Variants in PPP1R12B observed in about 807,000 individuals in gnomAD.
PPP1R12B encodes the protein protein phosphatase 1 regulatory subunit 12B.
In PPP1R12B, 76 loss-of-function variants were observed where a neutral mutation model predicts 126.1. The ratio of observed to expected loss-of-function variants is 0.60; its 90% CI spans 0.50 to 0.73. The LOEUF is 0.73. Among genes scored for constraint, PPP1R12B ranks in the 30% least tolerant of loss-of-function variants. The pLI is 0.00. For synonymous variants in PPP1R12B, 356 were observed against 434.7 expected (o/e 0.82, Z 2.25); for missense variants, 1,052 against 1,205.1 (o/e 0.87, Z 1.88).
rs530804968 is a variant in PPP1R12B at position 202,565,953 on chromosome 1, A to C, written c.2757+1406A>C. 6.6e-6 allele frequency among the ~76,000 whole-genome samples: 1 copy of C among 152,148 alleles called. No homozygotes were observed. The highest frequency in any genetic ancestry group is 2.4e-5 in the African/African-American group (1 of 41,530). On this transcript the variant is annotated intron_variant, in intron 21 of 23. Transcript: ENST00000608999. The surrounding 1 kb of genome is among the most constrained non-coding windows in gnomAD (Gnocchi z 4.3). ...GACCCTCAAAAGAAATCTGGGGCTAATTTTTATTCTGAATGGCGCCACATA... is the reference window on the plus strand; with the variant it reads ...GACCCTCAAAAGAAATCTGGGGCTACTTTTTATTCTGAATGGCGCCACATA...
chr1:202,516,506 A>G (rs564245358), intron 18 of PPP1R12B, among the ~76,000 whole-genome samples: 27 of 152,178 alleles, frequency 1.8e-4, no homozygotes, highest in East Asian at 1.5e-3. Context: ...GCATGAAAGG[A>G]TGATATCTTC....
rs1353253256 is a variant in PPP1R12B, at chr1:202,548,773, GCTGT to G, written c.2491-10101_2491-10098del. On this transcript the variant is annotated intron_variant, in intron 18 of 23. Transcript: ENST00000608999. Reference sequence around the variant, plus strand: ...TGATCATGCGCTCGCTCACTCGCTCGCTGTCTCTCTCTCTCTCTCTCTCTCTCTC... The same window carrying G: ...TGATCATGCGCTCGCTCACTCGCTCGCTCTCTCTCTCTCTCTCTCTCTCTC... Among the ~76,000 whole-genome samples, 94 of 106,830 alleles carry G rather than the reference GCTGT, an allele frequency of 8.8e-4. 4 individuals carry two copies. Among genetic ancestry groups the G allele is most frequent in the Admixed American group, 1.3e-3 (14 of 10,866 alleles). The allele number at this position is 106,830 out of a possible 152,430, so 70.1% of individuals were successfully genotyped here.
chr1:202,552,665 C>G (rs1342848756), intron 18 of PPP1R12B, among the ~76,000 whole-genome samples: 1 of 152,156 alleles, frequency 6.6e-6, no homozygotes, highest in Non-Finnish European at 1.5e-5. Flanking sequence ...AGCTAGTACA[C>G]AAGAACATAA....
intron 12 of PPP1R12B, among the ~76,000 whole-genome samples, chr1:202,444,708 A>G (rs1364288534): frequency 6.6e-6 from 1 of 152,150 alleles, no homozygotes; most frequent in South Asian, 2.1e-4. Context: ...TTTTCCTATT[A>G]TTCCCTTTCT....
chr1:202,372,216 A>AT (rs1159395642), intron 1 of PPP1R12B, among the ~76,000 whole-genome samples: 1 of 151,924 alleles, frequency 6.6e-6, no homozygotes, highest in Admixed American at 6.6e-5. Context: ...TATAAAAGTA[A>AT]TTTTTGGCCG....
intron 1 of PPP1R12B, among the ~76,000 whole-genome samples, chr1:202,405,213 G>T (rs1246598498): frequency 6.6e-6 from 1 of 152,138 alleles, no homozygotes; most frequent in Non-Finnish European, 1.5e-5. Context: ...CCGTGACTCT[G>T]TTATGGTAAA....
intron 18 of PPP1R12B, among the ~76,000 whole-genome samples, chr1:202,504,396 C>A (rs1200602889): frequency 6.6e-6 from 1 of 151,658 alleles, no homozygotes; most frequent in South Asian, 2.1e-4. Flanking sequence ...CTGTCCCCCC[C>A]AAAAAAAGAA....
intron 13 of PPP1R12B, among the ~76,000 whole-genome samples, chr1:202,460,822 G>A (rs899559895): frequency 2.0e-5 from 3 of 152,172 alleles, no homozygotes; most frequent in African/African-American, 7.2e-5. Context: ...GAAAAAAGGT[G>A]ATTCTTTTAG....
At chr1:202,358,774 A>G (rs1042927412) in intron 1 of PPP1R12B, among the ~76,000 whole-genome samples, 3 of 152,028 alleles carry the variant, frequency 2.0e-5, no homozygotes. Context: ...CATTATAGTT[A>G]TGGAATAGGT....
chr1:202,466,809 A>C lies in PPP1R12B; in HGVS notation c.1850+17638A>C, dbSNP rs574809582. 2.6e-5 allele frequency among the ~76,000 whole-genome samples: 4 copies of C among 152,328 alleles called. No individual in the cohort carries two copies. The East Asian group carries it at 7.7e-4, about 29-fold the overall frequency. ...AGAAAGAGGGAATAAGCCAACAGGT[A>C]AACCAAATCTTTCTTTCCTCTAGCC... On this transcript the variant is annotated intron_variant, in intron 13 of 23. Coordinates refer to ENST00000608999, the MANE Select transcript of PPP1R12B (RefSeq NM_002481.4).
At chr1:202,433,749 A>G (rs371904555) in intron 8 of PPP1R12B, among the ~76,000 whole-genome samples, 97 of 152,294 alleles carry the variant, frequency 6.4e-4, no homozygotes, top group African/African-American at 2.1e-3. Flanking sequence ...GGTTTTTCTA[A>G]TATAGGAAGC....
intron 1 of PPP1R12B, among the ~76,000 whole-genome samples, chr1:202,366,150 T>C (rs1388458361): frequency 6.6e-6 from 1 of 152,172 alleles, no homozygotes; most frequent in African/African-American, 2.4e-5. Flanking sequence ...ACCTCCTTCA[T>C]GTCATGGTAT....
At chr1:202,464,637 A>T (rs1235929527) in intron 13 of PPP1R12B, among the ~76,000 whole-genome samples, 1 of 152,150 alleles carries the variant, frequency 6.6e-6, no homozygotes, top group Non-Finnish European at 1.5e-5. Flanking sequence ...CCCACAATTT[A>T]TGCCTTCTCA....
intron 18 of PPP1R12B, among the ~76,000 whole-genome samples, chr1:202,515,555 T>G (rs1276029763): frequency 6.6e-6 from 1 of 151,912 alleles, no homozygotes; most frequent in African/African-American, 2.4e-5. Context: ...TCCATATATC[T>G]TTTTTTTGTT....
chr1:202,412,849 G>A (rs998239431), intron 1 of PPP1R12B, among the ~76,000 whole-genome samples: 1 of 152,150 alleles, frequency 6.6e-6, no homozygotes, highest in Non-Finnish European at 1.5e-5. Context: ...TTGATTTACA[G>A]TTTTTAGTGA....
rs924566007 is a variant in PPP1R12B, at chr1:202,585,808, C to T, written c.*5248C>T. 6.6e-6 allele frequency: 1 copy of T among 152,160 alleles called. No homozygotes were observed. Among genetic ancestry groups the T allele is most frequent in the Non-Finnish European group, 1.5e-5 (1 of 68,024 alleles). 9.4% of individuals were successfully genotyped at this position (152,160 alleles called of 1,614,324 possible). A position where few individuals can be genotyped will look rare whatever the true frequency, so the allele number is the denominator to read the frequency against. ...AAGCCTGCAGAGGTGGAAATTGGAG[C>T]TCATGGAGAAATGGATAGAAAGCAA... On this transcript the variant is annotated 3_prime_UTR_variant, in exon 24 of 24. Transcript: ENST00000608999.
intron 8 of PPP1R12B, among the ~76,000 whole-genome samples, 178 bp from the exon 9 acceptor site, chr1:202,434,477 AT>A (rs1412858977): frequency 6.6e-6 from 1 of 152,126 alleles, no homozygotes; most frequent in African/African-American, 2.4e-5. Context: ...CATTGAGTTT[AT>A]TTTTTTCTGC....
At chr1:202,473,558 GTCT>G (rs1162899679) in intron 13 of PPP1R12B, among the ~76,000 whole-genome samples, 2 of 152,164 alleles carry the variant, frequency 1.3e-5, no homozygotes, top group Non-Finnish European at 2.9e-5. Flanking sequence ...TCTTTGCTCT[GTCT>G]TCTTTCACAT....
At chr1:202,535,983 C>T (rs1684488611) in intron 18 of PPP1R12B, among the ~76,000 whole-genome samples, 1 of 152,172 alleles carries the variant, frequency 6.6e-6, no homozygotes, top group Non-Finnish European at 1.5e-5. Flanking sequence ...CAGAATTTTA[C>T]TGAAGGATTT....
Sources: allele counts gnomAD v4.1 joint callset (sites outside exome capture counted in the v4.1 genomes callset), GRCh38; gene constraint gnomAD v4.1.1; non-coding constraint Gnocchi (gnomAD v3.1); transcripts MANE v1.5; gene names NCBI Gene and HGNC (gene_info 2026-07-23, HGNC 2026-07-21).